The following TNFRSF1B variants were observed in gnomAD, a reference collection of about 807,000 sequenced individuals.
TNFRSF1B encodes TNF receptor superfamily member 1B, also known as tumor necrosis factor receptor superfamily member 1B.
In TNFRSF1B, 19 loss-of-function variants were observed where a neutral mutation model predicts 44.6. That is an observed-to-expected ratio of 0.43 (90% confidence interval 0.30 to 0.62). The LOEUF is 0.62. TNFRSF1B is among the 20% of genes least tolerant of loss of function. The pLI, the probability that TNFRSF1B is intolerant of heterozygous loss-of-function variation, is 0.16. For missense variants in TNFRSF1B, 541 were observed against 619.9 expected, an observed-to-expected ratio of 0.87 and a Z score of 1.35; for synonymous variants, 252 against 261.1, an observed-to-expected ratio of 0.97 and a Z score of 0.34.
chr1:12,198,494 C>T (rs376981736), intron 8 of TNFRSF1B, among the ~76,000 whole-genome samples: 6 of 152,106 alleles, frequency 3.9e-5, no homozygotes, highest in African/African-American at 7.2e-5. Context: ...CATAGACACA[C>T]GTGTGCACGC....
intron 8 of TNFRSF1B, 106 bp downstream of exon 8, chr1:12,194,724 C>T (rs1489425166): frequency 1.4e-6 from 2 of 1,439,732 alleles, no homozygotes; most frequent in Non-Finnish European, 2.0e-6. Flanking sequence ...TGTCCAGTGT[C>T]AGGAGGTGTG....
chr1:12,183,801 TCTAGCTA>T (rs1557629437), intron 1 of TNFRSF1B, among the ~76,000 whole-genome samples: 2,529 of 138,868 alleles, frequency 0.018, 56 homozygotes, highest in Non-Finnish European at 0.024. Flanking sequence ...TATCTATCTA[TCTAGCTA>T]TCTATCTATT....
chr1:12,171,008 A>AT lies in TNFRSF1B; in HGVS notation c.78+3848dup, dbSNP rs998445538. ...ACTTCTTCTTCTTTTTTTCTATTTA[A>AT]TTTTTTTTTATTGAGATAGAGTCTT... On this transcript the variant is annotated intron_variant, in intron 1 of 9. Coordinates refer to ENST00000376259, the MANE Select transcript of TNFRSF1B (RefSeq NM_001066.3). This position sits in a 1 kb window ranked among gnomAD's most constrained non-coding sequence, Gnocchi z 4.5. 5.7e-5 allele frequency among the ~76,000 whole-genome samples: 8 copies of AT among 139,266 alleles called. No individual in the cohort carries two copies. Among genetic ancestry groups the AT allele is most frequent in the African/African-American group, 1.1e-4 (4 of 37,212 alleles). 91.4% of individuals were successfully genotyped at this position (139,266 alleles called of 152,430 possible). A position where few individuals can be genotyped will look rare whatever the true frequency, so the allele number is the denominator to read the frequency against.
intron 9 of TNFRSF1B, among the ~76,000 whole-genome samples, chr1:12,203,729 T>C (rs1011154868): frequency 3.9e-5 from 6 of 152,222 alleles, no homozygotes; most frequent in African/African-American, 1.4e-4. Context: ...CGTCTGATTT[T>C]TTTTTTTTAA....
At chr1:12,198,121 C>CAAAA (rs5772486) in intron 8 of TNFRSF1B, among the ~76,000 whole-genome samples, 1 of 98,768 alleles carries the variant, frequency 1.0e-5, no homozygotes, top group African/African-American at 3.8e-5. Flanking sequence ...GACTCCATCT[C>CAAAA]AAAAAAAAAA....
At chr1:12,196,261 AC>A (rs1420597959) in intron 8 of TNFRSF1B, among the ~76,000 whole-genome samples, 1 of 152,180 alleles carries the variant, frequency 6.6e-6, no homozygotes, top group Admixed American at 6.5e-5. Flanking sequence ...AGATCACACC[AC>A]TGCTCTCCAG....
rs886255288 is a variant in TNFRSF1B, at chr1:12,167,115, C to G, written c.24C>G (p.Ala8=). The G allele has an allele frequency of 2.1e-5, 28 of 1,347,636 alleles. No individual in the cohort carries two copies. Among genetic ancestry groups the G allele is most frequent in the Non-Finnish European group, 2.7e-5 (28 of 1,045,490 alleles). 83.5% of individuals were successfully genotyped at this position (1,347,636 alleles called of 1,614,324 possible). A position where few individuals can be genotyped will look rare whatever the true frequency, so the allele number is the denominator to read the frequency against. The change falls in exon 1 of 10, where the codon GCC becomes GCG. Residue 8 remains alanine (A), a synonymous_variant. Transcript: ENST00000376259. MAPVAVW[A]ALAVGLELWA... ...CCATGGCGCCCGTCGCCGTCTGGGC[C>G]GCGCTGGCCGTCGGACTGGAGCTCT...
chr1:12,195,769 G>T (rs918103988), intron 8 of TNFRSF1B, among the ~76,000 whole-genome samples: 10 of 152,108 alleles, frequency 6.6e-5, no homozygotes, highest in African/African-American at 2.4e-4. Context: ...CCTTGCACCT[G>T]GTAGGCAGGG....
At chr1:12,201,485 A>G (rs2101123650) in intron 8 of TNFRSF1B, among the ~76,000 whole-genome samples, 1 of 151,570 alleles carries the variant, frequency 6.6e-6, no homozygotes, top group Admixed American at 6.6e-5. Flanking sequence ...AAAAAAAAAA[A>G]AGGCACAGAG....
chr1:12,188,955 G>A (rs1375715747), intron 2 of TNFRSF1B, 60 bp downstream of exon 2: 12 of 1,508,542 alleles, frequency 8.0e-6, no homozygotes, highest in Non-Finnish European at 1.1e-5. Context: ...TGTGTACAGG[G>A]GCTGGGGCGC....
intron 1 of TNFRSF1B, 71 bp from the exon 2 acceptor site, chr1:12,188,725 G>T: frequency 7.1e-7 from 1 of 1,410,044 alleles, no homozygotes; most frequent in Non-Finnish European, 1.0e-6. Flanking sequence ...GCAGGGCGGG[G>T]ACCTGGGCAT....
At position 12,199,482 on chromosome 1, in the gene TNFRSF1B, C is replaced by T. The variant is rs562342348; in HGVS notation, c.901-2485C>T. 5.9e-5 allele frequency among the ~76,000 whole-genome samples: 9 copies of T among 152,324 alleles called. No individual in the cohort carries two copies. The highest frequency in any genetic ancestry group is 4.1e-4 in the South Asian group (2 of 4,826). On this transcript the variant is annotated intron_variant, in intron 8 of 9. Coordinates refer to ENST00000376259, the MANE Select transcript of TNFRSF1B (RefSeq NM_001066.3). The surrounding 1 kb of genome is among the most constrained non-coding windows in gnomAD (Gnocchi z 4.0). ...ACAGGATGCACTTTCTCTGGGCCTC[C>T]GTGGCCTCTTGGGGATGGCTTGCAC...
chr1:12,200,779 C>T (rs188867587), intron 8 of TNFRSF1B, among the ~76,000 whole-genome samples: 169 of 152,090 alleles, frequency 1.1e-3, no homozygotes, highest in Non-Finnish European at 2.1e-3. Context: ...TGAGCCACCA[C>T]GCCAGCTAAT....
chr1:12,181,907 C>T (rs1057063919), intron 1 of TNFRSF1B, among the ~76,000 whole-genome samples: 2 of 152,216 alleles, frequency 1.3e-5, no homozygotes, highest in African/African-American at 4.8e-5. Context: ...GGGACTGAGC[C>T]TTCGACACCC....
rs1638676780 is a variant in TNFRSF1B at position 12,177,134 on chromosome 1, C to A, written c.78+9965C>A. Among the ~76,000 whole-genome samples, 1 of 152,152 alleles carries A rather than the reference C, an allele frequency of 6.6e-6. No individual in the cohort carries two copies. Among genetic ancestry groups the A allele is most frequent in the Non-Finnish European group, 1.5e-5 (1 of 68,016 alleles). On this transcript the variant is annotated intron_variant, in intron 1 of 9. Transcript: ENST00000376259. This position sits in a 1 kb window ranked among gnomAD's most constrained non-coding sequence, Gnocchi z 4.3. Reference sequence around the variant, plus strand: ...TCTCCCACCTCAGCCTCCCAAGTAGCTGGGACTACAGGCGTGCCCCACCAC... The same window carrying A: ...TCTCCCACCTCAGCCTCCCAAGTAGATGGGACTACAGGCGTGCCCCACCAC...
At chr1:12,189,185 G>A (rs964814037) in intron 2 of TNFRSF1B, among the ~76,000 whole-genome samples, 2 of 152,218 alleles carry the variant, frequency 1.3e-5, no homozygotes, top group Non-Finnish European at 2.9e-5. Flanking sequence ...TGGAGGAGGG[G>A]GAGGAGGAGC....
At chr1:12,195,817 G>A (rs1389175239) in intron 8 of TNFRSF1B, among the ~76,000 whole-genome samples, 1 of 151,950 alleles carries the variant, frequency 6.6e-6, no homozygotes, top group Non-Finnish European at 1.5e-5. Context: ...AGAAAACAGA[G>A]TCTGATGAGT....
Position 12,198,204 on chromosome 1 carries a change from C to T in TNFRSF1B, c.900+3586C>T, listed in dbSNP as rs556530916. 6.2e-4 allele frequency among the ~76,000 whole-genome samples: 95 copies of T among 152,046 alleles called. 1 individual carries two copies. The highest frequency in any genetic ancestry group is 4.3e-3 in the Admixed American group (66 of 15,276). On this transcript the variant is annotated intron_variant, in intron 8 of 9. Transcript: ENST00000376259. ...ACGGACACACTCATGCACGGACCCA[C>T]GTCTGATAACAGGTGCGAACATTTA...
Position 12,201,053 on chromosome 1 carries a change from GA to G in TNFRSF1B, c.901-913del, listed in dbSNP as rs112140069. On this transcript the variant is annotated intron_variant, in intron 8 of 9. Coordinates refer to ENST00000376259, the MANE Select transcript of TNFRSF1B (RefSeq NM_001066.3). ...GGATGGCTTGAGCCCAGGAGTACAA[GA>G]CCAGCCTGGGTAACATAGCACAACC... Among the ~76,000 whole-genome samples the G allele has an allele frequency of 4.8e-3, 735 of 152,178 alleles. 5 individuals carry two copies. Among genetic ancestry groups the G allele is most frequent in the African/African-American group, 0.016 (674 of 41,516 alleles).
Sources: gnomAD v4.1 joint callset for allele counts (sites outside exome capture counted in the v4.1 genomes callset) on GRCh38, gnomAD v4.1.1 for gene constraint, Gnocchi (gnomAD v3.1) non-coding constraint, MANE v1.5 for transcripts, NCBI Gene and HGNC (gene_info 2026-07-23, HGNC 2026-07-21) for gene names.